The following STON1 variants were observed in gnomAD, a reference collection of about 807,000 sequenced individuals.
STON1 encodes stonin 1, also known as stonin-1.
STON1 carries 79 observed loss-of-function variants against 60.9 expected under a neutral mutation model. That is an observed-to-expected ratio of 1.30 (90% CI 1.08 to 1.56). The LOEUF is 1.56. STON1 is among the 40% of genes most tolerant of loss of function. The pLI is 0.00. For missense variants in STON1, 1,166 were observed against 858.9 expected (o/e 1.36, Z -4.47); for synonymous variants, 363 against 306.9 (o/e 1.18, Z -1.91).
intron 1 of STON1, among the ~76,000 whole-genome samples, chr2:48,538,958 C>T (rs1671545401): frequency 6.6e-6 from 1 of 151,862 alleles, no homozygotes; most frequent in African/African-American, 2.4e-5. Context: ...GCTGTGTCAC[C>T]CACTGCTGGA....
At chr2:48,572,493 T>A (rs1395436073) in intron 1 of STON1, among the ~76,000 whole-genome samples, 2 of 152,168 alleles carry the variant, frequency 1.3e-5, no homozygotes, top group Non-Finnish European at 2.9e-5. Flanking sequence ...GGTTTGCTTT[T>A]AAAAAATTCA....
chr2:48,592,201 A>C (rs149724507), intron 3 of STON1, among the ~76,000 whole-genome samples: 1 of 152,280 alleles, frequency 6.6e-6, no homozygotes, highest in East Asian at 1.9e-4. Flanking sequence ...TATCCAACAA[A>C]AGAATAAGTT....
chr2:48,566,424 C>G (rs568724339), intron 1 of STON1, among the ~76,000 whole-genome samples: 5 of 151,024 alleles, frequency 3.3e-5, no homozygotes, highest in Admixed American at 3.3e-4. Flanking sequence ...GATCTGCCCA[C>G]CTCAGTCTCC....
intron 2 of STON1, among the ~76,000 whole-genome samples, chr2:48,586,905 A>C (rs1674239504): frequency 6.6e-6 from 1 of 152,152 alleles, no homozygotes; most frequent in Non-Finnish European, 1.5e-5. Flanking sequence ...GGTGCCCCTA[A>C]GTGATGACAG....
At chr2:48,541,074 G>C (rs1671630056) in intron 1 of STON1, among the ~76,000 whole-genome samples, 1 of 152,176 alleles carries the variant, frequency 6.6e-6, no homozygotes, top group Non-Finnish European at 1.5e-5. Flanking sequence ...TTTGGGCCGG[G>C]CACAGTGGCT....
chr2:48,595,374 T>C lies in STON1; in HGVS notation c.*72T>C. ...TCACCGAAACCACACCAAGTCCTGC[T>C]ACTGTAGAGTGGAAATGACTTCTGA... is the stretch of plus-strand genomic sequence containing the variant. On this transcript the variant is annotated 3_prime_UTR_variant, in exon 4 of 4. Transcript: ENST00000404752. 7.4e-7 allele frequency: 1 copy of C among 1,343,646 alleles called. No homozygotes were observed. Among genetic ancestry groups the C allele is most frequent in the East Asian group, 2.4e-5 (1 of 41,978 alleles). 83.2% of individuals were successfully genotyped at this position (1,343,646 alleles called of 1,614,324 possible). A position where few individuals can be genotyped will look rare whatever the true frequency, so the allele number is the denominator to read the frequency against.
intron 1 of STON1, among the ~76,000 whole-genome samples, chr2:48,539,324 A>T (rs765573752): frequency 3.3e-5 from 5 of 151,772 alleles, no homozygotes; most frequent in Non-Finnish European, 5.9e-5. Flanking sequence ...TCTTATCTAT[A>T]TTTTTGTTTT....
intron 1 of STON1, among the ~76,000 whole-genome samples, chr2:48,537,492 A>G (rs1671476552): frequency 6.6e-6 from 1 of 152,184 alleles, no homozygotes; most frequent in Non-Finnish European, 1.5e-5. Flanking sequence ...ATCGGTTGCT[A>G]GTATTTTACT....
At chr2:48,556,979 C>T (rs1452272131) in intron 1 of STON1, among the ~76,000 whole-genome samples, 2 of 63,536 alleles carry the variant, frequency 3.1e-5, no homozygotes, top group African/African-American at 6.3e-5. Flanking sequence ...GGGGCTGACC[C>T]CCCCACCTCC....
At chr2:48,560,998 A>T (rs547859274) in intron 1 of STON1, among the ~76,000 whole-genome samples, 1 of 152,224 alleles carries the variant, frequency 6.6e-6, no homozygotes, top group South Asian at 2.1e-4. Flanking sequence ...GTTTCACCTT[A>T]GCTTTTTGTG....
rs747646352 is a variant in STON1, at chr2:48,582,419, A to G, written c.1786A>G (p.Lys596Glu). The change falls in exon 2 of 4, where the codon AAA (lysine) becomes GAA (glutamate). Residue 596 changes from lysine to glutamate, a missense_variant. By Grantham distance (56) the Lys-to-Glu change is moderately conservative. Transcript: ENST00000404752. The part of the protein sequence containing the change: ...NLQRQKSLKA[K>E]MNRRACLGSL... ...CCAGAGGCAGAAGTCTCTGAAAGCT[A>G]AAATGAACCGCCGAGCATGTCTGGG... The G allele has an allele frequency of 3.7e-6, 6 of 1,614,106 alleles. No individual in the cohort carries two copies. The highest frequency in any genetic ancestry group is 5.1e-6 in the Non-Finnish European group (6 of 1,180,050).
In STON1 at chr2:48,590,348, C is replaced by G. The variant is rs143803799; in HGVS notation, c.1931-1305C>G. 1.2e-4 allele frequency among the ~76,000 whole-genome samples: 18 copies of G among 152,234 alleles called. No individual in the cohort carries two copies. The East Asian group carries it at 3.1e-3, about 26-fold the overall frequency. ...ATTCTATTAGTCACTCTACAAGAAA[C>G]AGGTTGTATGGAACGAAAGGTAATT... On this transcript the variant is annotated intron_variant, in intron 2 of 3. Coordinates refer to ENST00000404752, the MANE Select transcript of STON1 (RefSeq NM_006873.4).
At chr2:48,566,387 G>C (rs1672944649) in intron 1 of STON1, among the ~76,000 whole-genome samples, 1 of 152,050 alleles carries the variant, frequency 6.6e-6, no homozygotes, top group South Asian at 2.1e-4. Flanking sequence ...TGTTGGTCAG[G>C]CTGGTCTCGA....
At chr2:48,592,251 CCCAAGAA>C (rs1674563706) in intron 3 of STON1, among the ~76,000 whole-genome samples, 1 of 152,040 alleles carries the variant, frequency 6.6e-6, no homozygotes, top group African/African-American at 2.4e-5. Flanking sequence ...AATAAAGGCT[CCCAAGAA>C]GTCCTGCAAT....
chr2:48,584,419 C>T (rs995105775), intron 2 of STON1, among the ~76,000 whole-genome samples: 1 of 152,096 alleles, frequency 6.6e-6, no homozygotes, highest in African/African-American at 2.4e-5. Context: ...AGGCGTGAGC[C>T]ACCACGCCTG....
In STON1 at chr2:48,595,380, A is replaced by C; in HGVS notation, c.*78A>C. 1 of 1,314,998 alleles carries C rather than the reference A, an allele frequency of 7.6e-7. No individual in the cohort carries two copies. The highest frequency in any genetic ancestry group is 1.2e-5 in the South Asian group (1 of 81,082). 81.5% of individuals were successfully genotyped at this position (1,314,998 alleles called of 1,614,324 possible). A position where few individuals can be genotyped will look rare whatever the true frequency, so the allele number is the denominator to read the frequency against. The stretch of plus-strand genomic sequence containing the variant: ...AAACCACACCAAGTCCTGCTACTGT[A>C]GAGTGGAAATGACTTCTGAATAGCG... On this transcript the variant is annotated 3_prime_UTR_variant, in exon 4 of 4. Transcript: ENST00000404752.
intron 1 of STON1, among the ~76,000 whole-genome samples, chr2:48,534,371 C>T (rs1383524216): frequency 6.6e-6 from 1 of 152,206 alleles, no homozygotes; most frequent in East Asian, 1.9e-4. Flanking sequence ...CATGGTCACA[C>T]AGCCACTAAG....
intron 2 of STON1, among the ~76,000 whole-genome samples, chr2:48,584,044 C>CG (rs1249496912): frequency 2.6e-5 from 4 of 152,004 alleles, no homozygotes; most frequent in African/African-American, 9.7e-5. Flanking sequence ...CCACTGTGCC[C>CG]GGCCCATCCA....
chr2:48,570,260 G>C (rs187233401), intron 1 of STON1, among the ~76,000 whole-genome samples: 1 of 152,120 alleles, frequency 6.6e-6, no homozygotes, highest in Admixed American at 6.6e-5. Flanking sequence ...ACTTGAACCC[G>C]GGAGGTAGAA....
Sources: allele counts gnomAD v4.1 joint callset (sites outside exome capture counted in the v4.1 genomes callset), GRCh38; gene constraint gnomAD v4.1.1; transcripts MANE v1.5; gene names NCBI Gene and HGNC (gene_info 2026-07-23, HGNC 2026-07-21).